Variants in LIMS1 observed in about 807,000 individuals in gnomAD.
LIMS1 encodes LIM and senescent cell antigen-like-containing domain protein 1.
Under a neutral mutation model 44.1 loss-of-function variants are expected in LIMS1, and 18 were observed. The ratio of observed to expected loss-of-function variants is 0.41; its 90% CI spans 0.28 to 0.61. The LOEUF (loss-of-function observed/expected upper bound fraction) is 0.61, where lower values mean the gene tolerates loss of function less well. Ranked by LOEUF, LIMS1 falls within the 20% of genes least tolerant of loss-of-function variation. The probability of loss-of-function intolerance (pLI) is 0.32; values close to 1 mark genes in which losing one functional copy is unlikely to be tolerated. For missense variants in LIMS1, 201 were observed against 422.0 expected, an observed-to-expected ratio of 0.48 and a Z score of 4.59; for synonymous variants, 93 against 149.1, an observed-to-expected ratio of 0.62 and a Z score of 2.74.
intron 1 of LIMS1, among the ~76,000 whole-genome samples, chr2:108,589,887 A>G (rs943380078): frequency 6.6e-6 from 1 of 152,094 alleles, no homozygotes; most frequent in Non-Finnish European, 1.5e-5. Context: ...TACCATTGTG[A>G]TCAGAAAAGA....
intron 1 of LIMS1, among the ~76,000 whole-genome samples, chr2:108,569,181 G>A (rs916970116): frequency 1.4e-4 from 21 of 152,098 alleles, no homozygotes; most frequent in African/African-American, 3.4e-4. Context: ...GTGAGCCACC[G>A]CACCTGGCCG....
At chr2:108,550,510 A>G (rs1006450863) in intron 1 of LIMS1, among the ~76,000 whole-genome samples, 1 of 146,476 alleles carries the variant, frequency 6.8e-6, no homozygotes, top group Admixed American at 6.9e-5. Context: ...AAAAAATAAT[A>G]ATAAAAAAAA....
chr2:108,553,293 G>C (rs1324332729), intron 1 of LIMS1, among the ~76,000 whole-genome samples: 1 of 152,210 alleles, frequency 6.6e-6, no homozygotes, highest in Non-Finnish European at 1.5e-5. Flanking sequence ...ACTGCCGTTT[G>C]TGTGCTTTTA....
chr2:108,612,902 G>A (rs1687734289), intron 1 of LIMS1, among the ~76,000 whole-genome samples: 1 of 152,172 alleles, frequency 6.6e-6, no homozygotes, highest in African/African-American at 2.4e-5. Flanking sequence ...TGTCAGTGTT[G>A]AGAGGCAGTG....
chr2:108,675,535 C>A (rs560387690), intron 5 of LIMS1, among the ~76,000 whole-genome samples: 5 of 152,210 alleles, frequency 3.3e-5, no homozygotes, highest in Admixed American at 2.6e-4. Context: ...CTGAGTCTAC[C>A]CTCAGCACTG....
chr2:108,645,898 A>C (rs1323033544), intron 1 of LIMS1, among the ~76,000 whole-genome samples: 1 of 152,206 alleles, frequency 6.6e-6, no homozygotes, highest in Non-Finnish European at 1.5e-5. Context: ...CAAGAGACAA[A>C]GAAGGGCATT....
At chr2:108,553,078 A>G (rs1558784979) in intron 1 of LIMS1, among the ~76,000 whole-genome samples, 1 of 152,204 alleles carries the variant, frequency 6.6e-6, no homozygotes, top group Non-Finnish European at 1.5e-5. Context: ...TGGGATGTTA[A>G]AGAGAAAAGC....
chr2:108,631,844 G>A (rs1322185048), intron 1 of LIMS1, among the ~76,000 whole-genome samples: 2 of 152,306 alleles, frequency 1.3e-5, no homozygotes, highest in African/African-American at 4.8e-5. Flanking sequence ...ACTTCTGTCT[G>A]TAAGTTCCCT....
chr2:108,680,254 C>G (rs371273982), intron 8 of LIMS1, among the ~76,000 whole-genome samples: 2 of 151,196 alleles, frequency 1.3e-5, no homozygotes, highest in East Asian at 2.0e-4. Context: ...GTAGTCCCAG[C>G]TACTTGGGAA....
At chr2:108,678,701 C>T (rs1573625226) in intron 8 of LIMS1, 1 of 152,226 alleles carries the variant, frequency 6.6e-6, no homozygotes, top group Admixed American at 6.5e-5. Flanking sequence ...TTACCTCCCT[C>T]CTCTGTGAAA....
chr2:108,550,340 A>C (rs890283333), intron 1 of LIMS1, among the ~76,000 whole-genome samples: 1 of 147,010 alleles, frequency 6.8e-6, no homozygotes, highest in Non-Finnish European at 1.5e-5. Flanking sequence ...CTATAAATAC[A>C]AAAAAAAAAT....
intron 1 of LIMS1, among the ~76,000 whole-genome samples, chr2:108,550,935 A>G (rs1193942389): frequency 6.6e-6 from 1 of 152,130 alleles, no homozygotes; most frequent in East Asian, 1.9e-4. Context: ...AGCCTGGGCA[A>G]CATAACAAGA....
intron 1 of LIMS1, among the ~76,000 whole-genome samples, chr2:108,581,756 G>A (rs1685893881): frequency 6.6e-6 from 1 of 152,054 alleles, no homozygotes; most frequent in African/African-American, 2.4e-5. Flanking sequence ...TGACCAACGT[G>A]GTGAAACCCC....
chr2:108,619,911 C>G (rs530330306), intron 1 of LIMS1, among the ~76,000 whole-genome samples: 1 of 152,082 alleles, frequency 6.6e-6, no homozygotes, highest in Non-Finnish European at 1.5e-5. Flanking sequence ...CCAGTATTAC[C>G]GGTTTTTTGT....
intron 9 of LIMS1, among the ~76,000 whole-genome samples, chr2:108,682,358 G>A (rs1693060704): frequency 6.6e-6 from 1 of 152,116 alleles, no homozygotes; most frequent in African/African-American, 2.4e-5. Flanking sequence ...AAATTAGCCA[G>A]GCATGGTGGC....
intron 1 of LIMS1, among the ~76,000 whole-genome samples, chr2:108,648,689 A>G (rs1399638417): frequency 6.6e-6 from 1 of 152,170 alleles, no homozygotes; most frequent in Non-Finnish European, 1.5e-5. Flanking sequence ...CACATCTACA[A>G]CCATCTGATC....
intron 1 of LIMS1, among the ~76,000 whole-genome samples, chr2:108,650,413 C>CTTTTTTTTT (rs113015874): frequency 1.4e-5 from 2 of 145,174 alleles, no homozygotes; most frequent in African/African-American, 2.5e-5. Context: ...CTTTTCTTTT[C>CTTTTTTTTT]TTTTTTTTTT....
intron 1 of LIMS1, among the ~76,000 whole-genome samples, chr2:108,536,264 C>G (rs946909470): frequency 6.6e-5 from 10 of 152,148 alleles, no homozygotes; most frequent in African/African-American, 2.2e-4. Flanking sequence ...TCATACATGT[C>G]CAGAAATCTT....
intron 1 of LIMS1, among the ~76,000 whole-genome samples, chr2:108,625,753 C>T (rs1256596107): frequency 2.0e-5 from 3 of 152,192 alleles, no homozygotes; most frequent in African/African-American, 7.2e-5. Flanking sequence ...CTGGATGGAT[C>T]AGGTTAACCA....
Sources: allele counts gnomAD v4.1 joint callset (sites outside exome capture counted in the v4.1 genomes callset), GRCh38; gene constraint gnomAD v4.1.1; transcripts MANE v1.5; gene names NCBI Gene and HGNC (gene_info 2026-07-23, HGNC 2026-07-21).